Variants in GRID1 observed in about 807,000 individuals in gnomAD.
The protein encoded by GRID1 is glutamate receptor ionotropic, delta-1.
Under a neutral mutation model 98.0 loss-of-function variants are expected in GRID1, and 28 were observed. The ratio of observed to expected loss-of-function variants is 0.29; its 90% CI spans 0.21 to 0.39. GRID1 has a LOEUF of 0.39. GRID1 is among the 10% of genes least tolerant of loss of function. GRID1 has a pLI of 1.00. For missense variants in GRID1, 1,111 were observed against 1,340.5 expected (o/e 0.83, Z 2.67); for synonymous variants, 553 against 538.5 (o/e 1.03, Z -0.37).
At chr10:86,276,345 G>C (rs1027333357) in intron 2 of GRID1, among the ~76,000 whole-genome samples, 50 of 152,054 alleles carry the variant, frequency 3.3e-4, no homozygotes, top group African/African-American at 1.1e-3. Context: ...AGTCATATTG[G>C]ATTAGGGCCC....
chr10:85,652,722 G>A (rs930967744), intron 12 of GRID1, among the ~76,000 whole-genome samples: 4 of 152,174 alleles, frequency 2.6e-5, no homozygotes, highest in Admixed American at 1.3e-4. Context: ...CCACCCTGCT[G>A]CACACTGATA....
chr10:85,910,469 G>A (rs1173577275), intron 5 of GRID1, among the ~76,000 whole-genome samples: 1 of 152,158 alleles, frequency 6.6e-6, no homozygotes, highest in Admixed American at 6.5e-5. Context: ...TGATGTCCCT[G>A]GACTGTTGAC....
chr10:85,832,987 T>G (rs1403952763), intron 8 of GRID1, among the ~76,000 whole-genome samples: 3 of 151,848 alleles, frequency 2.0e-5, no homozygotes, highest in African/African-American at 7.3e-5. Context: ...GGCAAGGAGA[T>G]CTCATCATTA....
intron 4 of GRID1, among the ~76,000 whole-genome samples, chr10:86,004,044 G>A (rs1842831384): frequency 6.6e-6 from 1 of 152,178 alleles, no homozygotes; most frequent in Non-Finnish European, 1.5e-5. Flanking sequence ...CCAATCAACA[G>A]ATAATCCTCA....
chr10:86,250,355 C>G (rs12259811), intron 2 of GRID1, among the ~76,000 whole-genome samples: 18 of 152,226 alleles, frequency 1.2e-4, no homozygotes, highest in Middle Eastern at 3.4e-3. Flanking sequence ...GCAGCCCCTC[C>G]GTTTCTACAG....
At chr10:85,863,617 A>G (rs750706694) in intron 6 of GRID1, among the ~76,000 whole-genome samples, 1 of 152,126 alleles carries the variant, frequency 6.6e-6, no homozygotes, top group Non-Finnish European at 1.5e-5. Context: ...AGAGATAATA[A>G]GCATATAAAC....
intron 2 of GRID1, among the ~76,000 whole-genome samples, chr10:86,289,020 T>C (rs1444222320): frequency 6.6e-6 from 1 of 152,206 alleles, no homozygotes; most frequent in Non-Finnish European, 1.5e-5. Context: ...TAGACACCAC[T>C]GTTCTGCCTC....
At chr10:85,912,309 C>T (rs554476051) in intron 5 of GRID1, among the ~76,000 whole-genome samples, 9 of 152,292 alleles carry the variant, frequency 5.9e-5, no homozygotes, top group East Asian at 1.9e-4. Context: ...AAAACACATC[C>T]GCTCTCCAGT....
At position 85,602,231 on chromosome 10, in the gene GRID1, G is replaced by A. The variant is rs747315632; in HGVS notation, c.*42C>T. The A allele has an allele frequency of 2.3e-5, 30 of 1,299,014 alleles. 1 individual carries two copies. The highest frequency in any genetic ancestry group is 2.8e-5 in the Non-Finnish European group (27 of 963,226). 80.5% of individuals were successfully genotyped at this position (1,299,014 alleles called of 1,614,324 possible). A position where few individuals can be genotyped will look rare whatever the true frequency, so the allele number is the denominator to read the frequency against. On this transcript the variant is annotated 3_prime_UTR_variant, in exon 16 of 16. Coordinates refer to ENST00000327946, the MANE Select transcript of GRID1 (RefSeq NM_017551.3). ...TTTCTTGTATTAAAAAGCTCTGCTG[G>A]TCGGGTGGGTGGGAGGGTGGGCAGG...
chr10:85,840,383 C>T (rs1000247690), intron 8 of GRID1, among the ~76,000 whole-genome samples: 3 of 152,232 alleles, frequency 2.0e-5, no homozygotes, highest in East Asian at 3.9e-4. Context: ...CATCATCATA[C>T]TGAATAGGCA....
chr10:86,030,680 G>A (rs1039727910), intron 4 of GRID1, among the ~76,000 whole-genome samples: 4 of 152,220 alleles, frequency 2.6e-5, no homozygotes, highest in African/African-American at 9.6e-5. Context: ...TACCACTCCA[G>A]AGTGGGGAAT....
intron 4 of GRID1, among the ~76,000 whole-genome samples, chr10:86,112,152 G>C (rs929689756): frequency 3.9e-5 from 6 of 152,152 alleles, no homozygotes; most frequent in African/African-American, 4.8e-5. Flanking sequence ...TCATCCCTAT[G>C]ACTAGGGACA....
At chr10:85,740,326 C>A (rs182199763) in intron 8 of GRID1, among the ~76,000 whole-genome samples, 218 of 152,272 alleles carry the variant, frequency 1.4e-3, no homozygotes, top group African/African-American at 5.0e-3. Flanking sequence ...ATAATATGAT[C>A]TCTCCTCTTA....
At chr10:85,727,557 A>C (rs60638985) in intron 10 of GRID1, among the ~76,000 whole-genome samples, 2,203 of 152,174 alleles carry the variant, frequency 0.014, 59 homozygotes, top group African/African-American at 0.051. Flanking sequence ...TTCACCCTAA[A>C]CGTAGGGTAG....
intron 4 of GRID1, among the ~76,000 whole-genome samples, chr10:86,107,457 A>G (rs781040250): frequency 2.6e-5 from 4 of 152,206 alleles, no homozygotes; most frequent in Non-Finnish European, 4.4e-5. Context: ...TTATATTGAT[A>G]CAGGAGGTGG....
At chr10:86,144,315 G>A (rs1339488510) in intron 3 of GRID1, among the ~76,000 whole-genome samples, 1 of 152,142 alleles carries the variant, frequency 6.6e-6, no homozygotes, top group Non-Finnish European at 1.5e-5. Context: ...CAGGAGAGGG[G>A]AACAGCACAC....
chr10:86,036,772 G>T (rs893607957), intron 4 of GRID1, among the ~76,000 whole-genome samples: 6 of 152,164 alleles, frequency 3.9e-5, no homozygotes, highest in Admixed American at 3.3e-4. Context: ...GATGAGGATC[G>T]ACTGAAACAC....
At chr10:85,807,243 G>A (rs367813210) in intron 8 of GRID1, among the ~76,000 whole-genome samples, 9 of 151,902 alleles carry the variant, frequency 5.9e-5, no homozygotes, top group East Asian at 1.9e-4. Context: ...TCAGCTACTC[G>A]GGAGGCAGAA....
intron 8 of GRID1, among the ~76,000 whole-genome samples, chr10:85,742,543 C>T (rs1024667943): frequency 2.0e-5 from 3 of 152,136 alleles, no homozygotes; most frequent in Non-Finnish European, 2.9e-5. Flanking sequence ...TGTTTAATTG[C>T]CCTGTTTTCA....
Sources: gnomAD v4.1 joint callset for allele counts (sites outside exome capture counted in the v4.1 genomes callset) on GRCh38, gnomAD v4.1.1 for gene constraint, MANE v1.5 for transcripts, NCBI Gene and HGNC (gene_info 2026-07-23, HGNC 2026-07-21) for gene names.